The following ADGB variants were observed in gnomAD, a reference collection of about 807,000 sequenced individuals.
ADGB encodes calpain-7-like protein.
In ADGB, 172 loss-of-function variants were observed where a neutral mutation model predicts 210.5. That is an observed-to-expected ratio of 0.82 (90% CI 0.72 to 0.93). ADGB has a LOEUF of 0.93. Among genes scored for constraint, ADGB ranks in the 40% least tolerant of loss-of-function variants. The pLI, the probability that ADGB is intolerant of heterozygous loss-of-function variation, is 0.00. For synonymous variants in ADGB, 658 were observed against 662.7 expected (o/e 0.99, Z 0.11); for missense variants, 2,025 against 1,964.8 (o/e 1.03, Z -0.58).
chr6:146,812,902 G>A (rs1381562545), intron 35 of ADGB, among the ~76,000 whole-genome samples: 4 of 152,194 alleles, frequency 2.6e-5, no homozygotes, highest in African/African-American at 9.7e-5. Flanking sequence ...ACAAGGTTGT[G>A]AAGAACAGCT....
At chr6:146,613,321 T>C (rs552867620) in intron 1 of ADGB, among the ~76,000 whole-genome samples, 16 of 152,350 alleles carry the variant, frequency 1.1e-4, no homozygotes, top group African/African-American at 3.6e-4. Context: ...TTTTCCTACA[T>C]GTTTGATTTT....
chr6:146,793,366 C>A (rs1305727192), intron 33 of ADGB, among the ~76,000 whole-genome samples: 1 of 152,172 alleles, frequency 6.6e-6, no homozygotes, highest in Non-Finnish European at 1.5e-5. Context: ...TTTCAATCCC[C>A]CCACTAAACA....
chr6:146,693,998 T>C (rs1283141615), intron 12 of ADGB, among the ~76,000 whole-genome samples: 1 of 152,192 alleles, frequency 6.6e-6, no homozygotes, highest in African/African-American at 2.4e-5. Flanking sequence ...TCTAAGAAGA[T>C]TGAGGCTTTC....
intron 29 of ADGB, among the ~76,000 whole-genome samples, chr6:146,771,915 A>G (rs1777658037): frequency 6.6e-6 from 1 of 152,198 alleles, no homozygotes. Flanking sequence ...AGAGAATGAC[A>G]GCCAGTTCTG....
intron 13 of ADGB, among the ~76,000 whole-genome samples, chr6:146,710,624 G>A (rs983530201): frequency 6.6e-6 from 1 of 151,944 alleles, no homozygotes; most frequent in African/African-American, 2.4e-5. Context: ...AAATCTATTA[G>A]TGTTAATTAG....
At chr6:146,724,099 T>C (rs1243527309) in intron 17 of ADGB, 87 bp from the exon 18 acceptor site, 3 of 1,054,868 alleles carry the variant, frequency 2.8e-6, no homozygotes, top group Non-Finnish European at 4.0e-6. Context: ...GTTATTTATG[T>C]TGTTACTTAA....
intron 1 of ADGB, among the ~76,000 whole-genome samples, chr6:146,616,582 A>T (rs906158903): frequency 6.6e-6 from 1 of 152,054 alleles, no homozygotes; most frequent in Non-Finnish European, 1.5e-5. Flanking sequence ...TAAATGTTTA[A>T]TCCGTTTTGA....
At chr6:146,752,808 C>T (rs1777343260) in intron 27 of ADGB, 94 bp downstream of exon 27, 1 of 1,204,992 alleles carries the variant, frequency 8.3e-7, no homozygotes, top group Non-Finnish European at 1.1e-6. Context: ...TAGCAAGTAA[C>T]CACTTAAATT....
intron 29 of ADGB, among the ~76,000 whole-genome samples, chr6:146,772,423 T>TTA (rs146190439): frequency 4.7e-4 from 69 of 145,334 alleles, no homozygotes; most frequent in East Asian, 2.8e-3. Context: ...ATTATATTTA[T>TTA]TATATATATA....
At chr6:146,802,638 T>C in intron 35 of ADGB, 1 of 675,440 alleles carries the variant, frequency 1.5e-6, no homozygotes, top group Non-Finnish European at 2.4e-6. Flanking sequence ...AGCAGATTGT[T>C]GGGATTTCAT....
At chr6:146,792,637 C>A (rs1315746159) in intron 33 of ADGB, among the ~76,000 whole-genome samples, 1 of 151,906 alleles carries the variant, frequency 6.6e-6, no homozygotes, top group Non-Finnish European at 1.5e-5. Context: ...AATTTCTTCA[C>A]ACTTTTGGCC....
intron 2 of ADGB, among the ~76,000 whole-genome samples, chr6:146,644,073 G>C (rs1775567334): frequency 6.6e-6 from 1 of 151,766 alleles, no homozygotes. Context: ...GGGAGCATAG[G>C]TATGGCTATG....
chr6:146,724,383 G>A, intron 18 of ADGB, 56 bp downstream of exon 18: 1 of 1,468,144 alleles, frequency 6.8e-7, no homozygotes, highest in South Asian at 1.4e-5. Context: ...CTTGCAAATT[G>A]TTGGTTACTA....
intron 33 of ADGB, among the ~76,000 whole-genome samples, chr6:146,799,886 T>C (rs1232160532): frequency 1.3e-5 from 2 of 152,048 alleles, no homozygotes; most frequent in Non-Finnish European, 2.9e-5. Context: ...CTTGGCTCAC[T>C]GCAACTTCTG....
At chr6:146,643,550 T>A (rs940119165) in intron 2 of ADGB, among the ~76,000 whole-genome samples, 1 of 151,812 alleles carries the variant, frequency 6.6e-6, no homozygotes, top group Non-Finnish European at 1.5e-5. Context: ...GCCCAAAGCA[T>A]TTTTAACTTA....
At chr6:146,669,356 A>C (rs574637066) in intron 7 of ADGB, among the ~76,000 whole-genome samples, 1 of 152,004 alleles carries the variant, frequency 6.6e-6, no homozygotes, top group Admixed American at 6.6e-5. Context: ...CTCAGGAAAA[A>C]AAATCTTAAT....
chr6:146,677,318 T>C (rs533976412), intron 9 of ADGB, among the ~76,000 whole-genome samples: 1 of 152,304 alleles, frequency 6.6e-6, no homozygotes, highest in South Asian at 2.1e-4. Flanking sequence ...GTGCAGGTTA[T>C]CATTTTCACC....
At chr6:146,674,586 A>C (rs1433405454) in intron 8 of ADGB, among the ~76,000 whole-genome samples, 1 of 152,200 alleles carries the variant, frequency 6.6e-6, no homozygotes, top group East Asian at 1.9e-4. Context: ...TTCAGACCAA[A>C]GACTTCTACT....
intron 35 of ADGB, 39 bp downstream of exon 35, chr6:146,802,050 ATTCT>A: frequency 7.5e-7 from 1 of 1,327,898 alleles, no homozygotes; most frequent in Middle Eastern, 1.9e-4. Flanking sequence ...TAGTTGGCAA[ATTCT>A]TTCGTAACAT....
Sources: allele counts gnomAD v4.1 joint callset (sites outside exome capture counted in the v4.1 genomes callset), GRCh38; gene constraint gnomAD v4.1.1; transcripts MANE v1.5; gene names NCBI Gene and HGNC (gene_info 2026-07-23, HGNC 2026-07-21).